Variants in DGKH observed in about 807,000 individuals in gnomAD.
DGKH encodes the protein diacylglycerol kinase eta.
In DGKH, 90 loss-of-function variants were observed where a neutral mutation model predicts 159.3. That is an observed-to-expected ratio of 0.57 (90% confidence interval 0.48 to 0.67). The LOEUF (loss-of-function observed/expected upper bound fraction) is 0.67. Among genes scored for constraint, DGKH ranks in the 30% least tolerant of loss-of-function variants. The probability of loss-of-function intolerance (pLI) is 0.00; values close to 1 mark genes in which losing one functional copy is unlikely to be tolerated. For missense variants in DGKH, 1,181 were observed against 1,506.1 expected (o/e 0.78, Z 3.57); for synonymous variants, 536 against 553.8 (o/e 0.97, Z 0.45).
intron 1 of DGKH, among the ~76,000 whole-genome samples, chr13:42,088,986 A>G (rs1954362099): frequency 6.6e-6 from 1 of 152,224 alleles, no homozygotes; most frequent in Admixed American, 6.5e-5. Flanking sequence ...ATCAGACAAA[A>G]TAGACTTCAG....
At chr13:42,123,136 A>T (rs757275613) in intron 1 of DGKH, among the ~76,000 whole-genome samples, 9 of 152,204 alleles carry the variant, frequency 5.9e-5, no homozygotes, top group Non-Finnish European at 8.8e-5. Context: ...TTAAGTCGCT[A>T]ATTCCTCAAA....
chr13:42,197,650 G>A (rs1173280110), intron 17 of DGKH, among the ~76,000 whole-genome samples: 2 of 152,122 alleles, frequency 1.3e-5, no homozygotes, highest in Non-Finnish European at 2.9e-5. Flanking sequence ...GATGGAGGCT[G>A]CAGTGAGCTG....
Position 42,251,419 on chromosome 13 carries a change from A to ATATT in DGKH, n.4055-976_4055-973dup, listed in dbSNP as rs1041798564. Among the ~76,000 whole-genome samples, 7 of 152,074 alleles carry ATATT rather than the reference A, an allele frequency of 4.6e-5. No individual in the cohort carries two copies. The South Asian group carries it at 8.3e-4, about 18-fold the overall frequency. On this transcript the variant is annotated intron_variant and non_coding_transcript_variant, in intron 29 of 30. Coordinates refer to the DGKH transcript ENST00000498255. ...TGAGTCCCTGTCTGAAAAAATACAT[A>ATATT]TATTTATTTATTTATTTTATATCTA...
At chr13:42,250,363 T>C (rs1958612884) in intron 29 of DGKH, among the ~76,000 whole-genome samples, 1 of 152,182 alleles carries the variant, frequency 6.6e-6, no homozygotes, top group Non-Finnish European at 1.5e-5. Flanking sequence ...CTGTATACAT[T>C]GTATAATGAT....
intron 20 of DGKH, among the ~76,000 whole-genome samples, chr13:42,205,227 T>A (rs1957434448): frequency 6.6e-6 from 1 of 152,182 alleles, no homozygotes; most frequent in African/African-American, 2.4e-5. Context: ...ATAAGTATGA[T>A]CATAAAATGT....
intron 3 of DGKH, among the ~76,000 whole-genome samples, chr13:42,135,192 T>C (rs1955375048): frequency 1.3e-5 from 2 of 151,688 alleles, no homozygotes; most frequent in Admixed American, 6.6e-5. Flanking sequence ...TTTAGGTTAA[T>C]GTTTATTAAT....
chr13:42,219,544 T>C (rs1957911523), intron 27 of DGKH, 142 bp from the exon 28 acceptor site: 1 of 1,168,704 alleles, frequency 8.6e-7, no homozygotes, highest in African/African-American at 1.6e-5. Flanking sequence ...TAGTAGTACA[T>C]TGTGAACTTT....
At chr13:42,220,851 G>C (rs1402880762) in intron 28 of DGKH, among the ~76,000 whole-genome samples, 1 of 152,162 alleles carries the variant, frequency 6.6e-6, no homozygotes. Flanking sequence ...CCCCATATCA[G>C]ATTTTAAATT....
At chr13:42,146,746 G>A (rs777396479) in intron 3 of DGKH, among the ~76,000 whole-genome samples, 14 of 152,218 alleles carry the variant, frequency 9.2e-5, no homozygotes, top group Non-Finnish European at 1.8e-4. Flanking sequence ...GCATATAGTT[G>A]TTGTATATGG....
At chr13:42,164,899 ATTTTATAAGAAT>A (rs1566148491) in intron 7 of DGKH, among the ~76,000 whole-genome samples, 1 of 152,300 alleles carries the variant, frequency 6.6e-6, no homozygotes, top group East Asian at 1.9e-4. Flanking sequence ...TCTTTGTTAA[ATTTTATAAGAAT>A]TTTTATAAGA....
intron 3 of DGKH, among the ~76,000 whole-genome samples, chr13:42,142,304 T>C (rs1955583862): frequency 6.6e-6 from 1 of 152,062 alleles, no homozygotes; most frequent in Non-Finnish European, 1.5e-5. Flanking sequence ...TGTAGCCTTG[T>C]AGTATAGTTT....
downstream of DGKH, among the ~76,000 whole-genome samples, chr13:42,247,890 T>C (rs1210291580): frequency 6.6e-6 from 1 of 152,220 alleles, no homozygotes; most frequent in Non-Finnish European, 1.5e-5. Flanking sequence ...TGTGTTTTAA[T>C]CTAAGTGTTA....
chr13:42,099,033 C>A (rs1172954926), intron 1 of DGKH, among the ~76,000 whole-genome samples: 1 of 152,128 alleles, frequency 6.6e-6, no homozygotes. Context: ...CAGTGTGGGC[C>A]AGGATAGCAA....
chr13:42,043,352 T>C (rs1355007007), intron 1 of DGKH, among the ~76,000 whole-genome samples: 1 of 152,160 alleles, frequency 6.6e-6, no homozygotes, highest in African/African-American at 2.4e-5. Context: ...ATTTAAAAAC[T>C]TTTTTGTTTT....
intron 13 of DGKH, among the ~76,000 whole-genome samples, chr13:42,179,877 AG>A (rs1158307059): frequency 1.3e-5 from 2 of 152,240 alleles, no homozygotes; most frequent in East Asian, 3.9e-4. Context: ...AGGGAGAAAA[AG>A]GGGTGGCTAC....
At chr13:42,220,143 G>C (rs1213639041) in intron 28 of DGKH, among the ~76,000 whole-genome samples, 3 of 152,160 alleles carry the variant, frequency 2.0e-5, no homozygotes, top group Non-Finnish European at 4.4e-5. Flanking sequence ...TCAACAGCAA[G>C]TCAAAGCATC....
chr13:42,207,121 C>CTT (rs1957516610), intron 21 of DGKH, among the ~76,000 whole-genome samples: 2 of 50,064 alleles, frequency 4.0e-5, no homozygotes, highest in African/African-American at 1.5e-4. Flanking sequence ...TTCTCTTTCT[C>CTT]TCTCCTTCCT....
rs1958353461 is a variant in DGKH, at chr13:42,233,673, C to T, written c.*4485C>T. ...TGTGGGACACAGGAGATTGGCAGAC[C>T]AACACAGCTAGCCTCTCTCTAGCCC... On this transcript the variant is annotated 3_prime_UTR_variant, in exon 30 of 30. Coordinates refer to ENST00000337343, the MANE Select transcript of DGKH (RefSeq NM_178009.5). 6.6e-6 allele frequency: 1 copy of T among 152,174 alleles called. No homozygotes were observed. Among genetic ancestry groups the T allele is most frequent in the Non-Finnish European group, 1.5e-5 (1 of 68,056 alleles). The allele number at this position is 152,174 out of a possible 1,614,324, so 9.4% of individuals were successfully genotyped here.
intron 7 of DGKH, among the ~76,000 whole-genome samples, chr13:42,163,800 C>A (rs1846392843): frequency 6.6e-6 from 1 of 151,540 alleles, no homozygotes; most frequent in Non-Finnish European, 1.5e-5. Context: ...AATTTTCTCC[C>A]ATTTTGTAGG....
Sources: allele counts gnomAD v4.1 joint callset (sites outside exome capture counted in the v4.1 genomes callset), GRCh38; gene constraint gnomAD v4.1.1; transcripts MANE v1.5; gene names NCBI Gene and HGNC (gene_info 2026-07-23, HGNC 2026-07-21).